The following UBE2E2 variants were observed in gnomAD, a reference collection of about 807,000 sequenced individuals.
UBE2E2 encodes the protein ubiquitin conjugating enzyme E2 E2.
A neutral mutation model predicts 24.7 loss-of-function variants in UBE2E2; 6 were observed. The ratio of observed to expected loss-of-function variants is 0.24; its 90% CI spans 0.13 to 0.48. The LOEUF (loss-of-function observed/expected upper bound fraction) is 0.48. Among genes scored for constraint, UBE2E2 ranks in the 20% least tolerant of loss-of-function variants. UBE2E2 has a pLI of 0.99. For missense variants in UBE2E2, 169 were observed against 245.0 expected, an observed-to-expected ratio of 0.69 and a Z score of 2.07; for synonymous variants, 104 against 83.6, an observed-to-expected ratio of 1.24 and a Z score of -1.33.
At chr3:23,511,409 G>A (rs934978090) in intron 4 of UBE2E2, among the ~76,000 whole-genome samples, 10 of 152,198 alleles carry the variant, frequency 6.6e-5, no homozygotes, top group African/African-American at 2.4e-4. Flanking sequence ...GAATGACCAG[G>A]TAGGGATATG....
At chr3:23,427,975 G>A (rs184036786) in intron 3 of UBE2E2, among the ~76,000 whole-genome samples, 70 of 152,296 alleles carry the variant, frequency 4.6e-4, no homozygotes, top group East Asian at 3.9e-3. Flanking sequence ...TAAATAGTTA[G>A]AGACTTCAGG....
At chr3:23,253,650 G>A (rs1204778174) in intron 3 of UBE2E2, among the ~76,000 whole-genome samples, 1 of 152,138 alleles carries the variant, frequency 6.6e-6, no homozygotes, top group South Asian at 2.1e-4. Flanking sequence ...AAAAAATATG[G>A]ACTGTTACCT....
chr3:23,385,280 A>T lies in UBE2E2; in HGVS notation c.228-114328A>T, dbSNP rs138162349. Among the ~76,000 whole-genome samples, 350 of 152,300 alleles carry T rather than the reference A, an allele frequency of 2.3e-3. 1 individual carries two copies. Among genetic ancestry groups the T allele is most frequent in the Non-Finnish European group, 4.0e-3 (275 of 68,036 alleles). On this transcript the variant is annotated intron_variant, in intron 3 of 5. Coordinates refer to ENST00000396703, the MANE Select transcript of UBE2E2 (RefSeq NM_152653.4). ...TCAGTGGTTTTGCTGTAAAGGAATC[A>T]CTTCATTTCTGATTATTGCATTTAC...
chr3:23,512,772 C>T (rs561279714), intron 4 of UBE2E2, among the ~76,000 whole-genome samples: 32 of 152,020 alleles, frequency 2.1e-4, no homozygotes, highest in Non-Finnish European at 4.6e-4. Flanking sequence ...TGGTGAAACC[C>T]CATCTCTACT....
chr3:23,351,734 C>T (rs1695757579), intron 3 of UBE2E2, among the ~76,000 whole-genome samples: 1 of 152,256 alleles, frequency 6.6e-6, no homozygotes, highest in East Asian at 1.9e-4. Context: ...ATTCATAAAG[C>T]AAGTCCTTAG....
intron 5 of UBE2E2, among the ~76,000 whole-genome samples, chr3:23,538,220 C>T (rs868407320): frequency 6.6e-5 from 10 of 152,002 alleles, no homozygotes; most frequent in African/African-American, 2.2e-4. Flanking sequence ...AGTAGAAATA[C>T]GTGGCACAAC....
intron 4 of UBE2E2, among the ~76,000 whole-genome samples, chr3:23,504,468 TAA>T (rs1019368904): frequency 6.6e-6 from 1 of 152,154 alleles, no homozygotes; most frequent in African/African-American, 2.4e-5. Context: ...AATTTCTGGG[TAA>T]AGAGTTTGCA....
intron 3 of UBE2E2, among the ~76,000 whole-genome samples, chr3:23,268,775 A>T (rs1158976003): frequency 1.3e-5 from 2 of 149,222 alleles, no homozygotes; most frequent in South Asian, 4.4e-4. Context: ...ACGAAGCTGG[A>T]GGCATCACGC....
At chr3:23,545,814 A>G (rs1242481578) in intron 5 of UBE2E2, among the ~76,000 whole-genome samples, 2 of 152,246 alleles carry the variant, frequency 1.3e-5, no homozygotes, top group East Asian at 3.8e-4. Flanking sequence ...TGTATACACC[A>G]TGGAATACTA....
chr3:23,474,623 T>A lies in UBE2E2; in HGVS notation c.228-24985T>A, dbSNP rs1402921986. Among the ~76,000 whole-genome samples, 1 of 152,132 alleles carries A rather than the reference T, an allele frequency of 6.6e-6. No individual in the cohort carries two copies. The highest frequency in any genetic ancestry group is 2.4e-5 in the African/African-American group (1 of 41,366). On this transcript the variant is annotated intron_variant, in intron 3 of 5. Transcript: ENST00000396703. The surrounding 1 kb of genome is among the most constrained non-coding windows in gnomAD (Gnocchi z 4.0). The stretch of plus-strand genomic sequence containing the variant: ...GTTTAAATTTATATATGGTCACATT[T>A]ACCCTGGTCACACAACTGGAATGGC...
chr3:23,273,336 G>C (rs1003258549), intron 3 of UBE2E2, among the ~76,000 whole-genome samples: 13 of 152,200 alleles, frequency 8.5e-5, no homozygotes, highest in African/African-American at 3.1e-4. Context: ...TCAGGAGATC[G>C]AGACCATGGT....
intron 3 of UBE2E2, among the ~76,000 whole-genome samples, chr3:23,415,890 C>A (rs1317376980): frequency 6.6e-6 from 1 of 152,054 alleles, no homozygotes; most frequent in Non-Finnish European, 1.5e-5. Context: ...GCTATCCCTC[C>A]CCTAGCCTCC....
chr3:23,290,273 G>T (rs944456021), intron 3 of UBE2E2, among the ~76,000 whole-genome samples: 1 of 152,188 alleles, frequency 6.6e-6, no homozygotes, highest in African/African-American at 2.4e-5. Flanking sequence ...TTAGTTTGTG[G>T]ACCATTCTTG....
intron 1 of UBE2E2, among the ~76,000 whole-genome samples, 169 bp downstream of exon 1, chr3:23,203,633 C>T (rs1696033605): frequency 6.8e-6 from 1 of 146,340 alleles, no homozygotes; most frequent in East Asian, 2.1e-4. Context: ...TACGCCCCCT[C>T]CCGCGAGCCT....
At chr3:23,566,384 C>CT (rs1696073001) in intron 5 of UBE2E2, among the ~76,000 whole-genome samples, 1 of 152,128 alleles carries the variant, frequency 6.6e-6, no homozygotes, top group Non-Finnish European at 1.5e-5. Context: ...TGTAACCAAG[C>CT]TTGTATAAGA....
At chr3:23,494,936 A>C (rs562010101) in intron 3 of UBE2E2, among the ~76,000 whole-genome samples, 1 of 151,758 alleles carries the variant, frequency 6.6e-6, no homozygotes, top group Admixed American at 6.6e-5. Flanking sequence ...CACACCTGGC[A>C]AATTTTTGTA....
intron 3 of UBE2E2, among the ~76,000 whole-genome samples, chr3:23,386,513 G>A (rs906256258): frequency 2.6e-5 from 4 of 152,160 alleles, no homozygotes; most frequent in Non-Finnish European, 5.9e-5. Context: ...GTTCTTAAAA[G>A]GCGTGAGTTT....
chr3:23,221,905 G>A (rs550868446), intron 3 of UBE2E2, among the ~76,000 whole-genome samples: 1 of 152,208 alleles, frequency 6.6e-6, no homozygotes, highest in African/African-American at 2.4e-5. Flanking sequence ...TTTAATTGAG[G>A]TAAAATATAC....
intron 3 of UBE2E2, among the ~76,000 whole-genome samples, chr3:23,230,926 A>G (rs1696959130): frequency 6.6e-6 from 1 of 152,162 alleles, no homozygotes; most frequent in Admixed American, 6.5e-5. Flanking sequence ...GAGTAGAACT[A>G]GCGCTGCTCT....
Sources: gnomAD v4.1 joint callset for allele counts (sites outside exome capture counted in the v4.1 genomes callset) on GRCh38, gnomAD v4.1.1 for gene constraint, Gnocchi (gnomAD v3.1) non-coding constraint, MANE v1.5 for transcripts, NCBI Gene and HGNC (gene_info 2026-07-23, HGNC 2026-07-21) for gene names.